The following MACROD2 variants were observed in gnomAD, a reference collection of about 807,000 sequenced individuals.
MACROD2 encodes ADP-ribose glycohydrolase MACROD2.
A neutral mutation model predicts 70.4 loss-of-function variants in MACROD2; 36 were observed. The ratio of observed to expected loss-of-function variants is 0.51; its 90% confidence interval spans 0.39 to 0.68. The LOEUF is 0.68. Ranked by LOEUF, MACROD2 falls within the 30% of genes least tolerant of loss-of-function variation. The pLI is 0.00. For missense variants in MACROD2, 496 were observed against 538.4 expected, an observed-to-expected ratio of 0.92 and a Z score of 0.78; for synonymous variants, 172 against 178.8, an observed-to-expected ratio of 0.96 and a Z score of 0.30.
chr20:15,282,595 G>A (rs1364822167), intron 6 of MACROD2, among the ~76,000 whole-genome samples: 1 of 152,168 alleles, frequency 6.6e-6, no homozygotes, highest in African/African-American at 2.4e-5. Flanking sequence ...AGCATAGCAA[G>A]AATCACCTTT....
chr20:14,397,291 C>T (rs932194804), intron 3 of MACROD2, among the ~76,000 whole-genome samples: 3 of 152,142 alleles, frequency 2.0e-5, no homozygotes, highest in Admixed American at 6.5e-5. Context: ...CTGTGCCTGG[C>T]TGACCATTTA....
chr20:15,709,326 G>GT (rs1024187179), intron 8 of MACROD2, among the ~76,000 whole-genome samples: 4 of 152,124 alleles, frequency 2.6e-5, no homozygotes, highest in Admixed American at 6.5e-5. Flanking sequence ...CTTTTTAAAT[G>GT]TTTTTTAATA....
chr20:15,478,221 A>G (rs915120149), intron 7 of MACROD2, among the ~76,000 whole-genome samples: 2 of 152,226 alleles, frequency 1.3e-5, no homozygotes, highest in African/African-American at 4.8e-5. Flanking sequence ...ACCAGGCTTC[A>G]TAGCTGTGCC....
intron 4 of MACROD2, among the ~76,000 whole-genome samples, chr20:14,569,564 T>A (rs1485461970): frequency 6.6e-6 from 1 of 151,716 alleles, no homozygotes; most frequent in Non-Finnish European, 1.5e-5. Flanking sequence ...AACATTTAGG[T>A]CCCCCCACCT....
At chr20:14,235,546 C>G (rs1187988850) in intron 3 of MACROD2, among the ~76,000 whole-genome samples, 2 of 152,062 alleles carry the variant, frequency 1.3e-5, no homozygotes, top group Non-Finnish European at 2.9e-5. Flanking sequence ...CCTTAAAATG[C>G]CTTGAAAAAT....
At chr20:16,020,000 G>A (rs1293397952) in intron 15 of MACROD2, among the ~76,000 whole-genome samples, 1 of 152,112 alleles carries the variant, frequency 6.6e-6, no homozygotes, top group Non-Finnish European at 1.5e-5. Context: ...CAGGAAGAAA[G>A]GGCTCACCTC....
At chr20:14,949,043 G>A (rs938456802) in intron 5 of MACROD2, among the ~76,000 whole-genome samples, 1 of 151,926 alleles carries the variant, frequency 6.6e-6, no homozygotes, top group African/African-American at 2.4e-5. Context: ...TTAATAGTCA[G>A]TTATTTTTGG....
chr20:14,728,071 T>A (rs963560606), intron 5 of MACROD2, among the ~76,000 whole-genome samples: 1 of 152,208 alleles, frequency 6.6e-6, no homozygotes, highest in Admixed American at 6.5e-5. Flanking sequence ...ATTTCTTCTC[T>A]TATTTAAAAT....
intron 3 of MACROD2, among the ~76,000 whole-genome samples, chr20:14,155,153 T>TAC (rs1030426104): frequency 3.9e-5 from 6 of 152,208 alleles, no homozygotes; most frequent in Non-Finnish European, 8.8e-5. Flanking sequence ...CATGTATATA[T>TAC]ACACACATAT....
At chr20:15,533,948 G>A (rs73098278) in intron 8 of MACROD2, among the ~76,000 whole-genome samples, 2 of 152,268 alleles carry the variant, frequency 1.3e-5, no homozygotes, top group Admixed American at 6.5e-5. Context: ...TCACAGAGGG[G>A]CTAAATGCTT....
chr20:15,435,305 G>A (rs957833591), intron 7 of MACROD2, among the ~76,000 whole-genome samples: 1 of 152,026 alleles, frequency 6.6e-6, no homozygotes, highest in South Asian at 2.1e-4. Flanking sequence ...GAGATCTGTG[G>A]TATATTTATG....
chr20:14,650,775 G>T (rs772080507), intron 4 of MACROD2, among the ~76,000 whole-genome samples: 1 of 152,046 alleles, frequency 6.6e-6, no homozygotes, highest in Non-Finnish European at 1.5e-5. Flanking sequence ...ATAACCCTTC[G>T]CACTACACAC....
chr20:15,576,552 G>GTTTTTTTTTTTTTTTTTTT (rs11473854), intron 8 of MACROD2, among the ~76,000 whole-genome samples: 2 of 145,752 alleles, frequency 1.4e-5, no homozygotes, highest in Non-Finnish European at 3.0e-5. Flanking sequence ...TGCACAAAAT[G>GTTTTTTTTTTTTTTTTTTT]TTTTTTTTTT....
chr20:14,361,977 T>A (rs1267822492), intron 3 of MACROD2, among the ~76,000 whole-genome samples: 2 of 152,264 alleles, frequency 1.3e-5, no homozygotes, highest in Non-Finnish European at 2.9e-5. Flanking sequence ...CTCTGGTTTA[T>A]CTGCACATTT....
chr20:15,585,502 G>A lies in MACROD2; in HGVS notation c.645+85655G>A, dbSNP rs529290199. On this transcript the variant is annotated intron_variant, in intron 8 of 17. Coordinates refer to ENST00000684519, the MANE Select transcript of MACROD2 (RefSeq NM_001351661.2). ...TGAGCCACCATGCCCGGCCTGGAGC[G>A]TCCTTTTTACCAAGTGCAGAGAGCC... 6.4e-4 allele frequency among the ~76,000 whole-genome samples: 97 copies of A among 152,104 alleles called. 1 individual carries two copies. Among genetic ancestry groups the A allele is most frequent in the South Asian group, 4.2e-3 (20 of 4,816 alleles).
intron 5 of MACROD2, among the ~76,000 whole-genome samples, chr20:14,855,599 T>TG (rs2073245664): frequency 5.0e-5 from 2 of 40,248 alleles, no homozygotes; most frequent in Admixed American, 2.0e-4. Flanking sequence ...CCTACCAAGT[T>TG]TTTTTTTTTT....
rs115413065 is a variant in MACROD2 at position 14,987,368 on chromosome 20, G to A, written c.419-242572G>A. On this transcript the variant is annotated intron_variant, in intron 5 of 17. Transcript: ENST00000684519. ...CAGGCAACTAGTAAGCATTCAAAAT[G>A]TGTTACTATTATTACTGGGATTGTT... is the stretch of plus-strand genomic sequence containing the variant. 2.3e-3 allele frequency among the ~76,000 whole-genome samples: 352 copies of A among 152,216 alleles called. 2 individuals carry two copies. Among genetic ancestry groups the A allele is most frequent in the African/African-American group, 7.6e-3 (316 of 41,544 alleles).
chr20:15,825,330 C>T (rs539188967), intron 8 of MACROD2, among the ~76,000 whole-genome samples: 5 of 152,258 alleles, frequency 3.3e-5, no homozygotes, highest in African/African-American at 1.2e-4. Flanking sequence ...AGGCATCATA[C>T]TATGAAAAGC....
intron 6 of MACROD2, among the ~76,000 whole-genome samples, chr20:15,329,992 A>G (rs187437724): frequency 1.3e-5 from 2 of 152,120 alleles, no homozygotes; most frequent in African/African-American, 4.8e-5. Flanking sequence ...CTCTGAAGAC[A>G]CCGGGACATA....
Sources: gnomAD v4.1 joint callset for allele counts (sites outside exome capture counted in the v4.1 genomes callset) on GRCh38, gnomAD v4.1.1 for gene constraint, MANE v1.5 for transcripts, NCBI Gene and HGNC (gene_info 2026-07-23, HGNC 2026-07-21) for gene names.